DOCK5: variants seen among roughly 807,000 people sequenced by gnomAD.
DOCK5 encodes dedicator of cytokinesis protein 5.
A neutral mutation model predicts 251.8 loss-of-function variants in DOCK5; 142 were observed. The observed-to-expected ratio is 0.56, with a 90% CI of 0.49 to 0.65. DOCK5 has a LOEUF of 0.65. Among genes scored for constraint, DOCK5 ranks in the 30% least tolerant of loss-of-function variants. The probability of loss-of-function intolerance (pLI) is 0.00; values close to 1 mark genes in which losing one functional copy is unlikely to be tolerated. For synonymous variants in DOCK5, 842 were observed against 835.5 expected (o/e 1.01, Z -0.13); for missense variants, 2,111 against 2,312.3 (o/e 0.91, Z 1.79).
At chr8:25,292,593 A>T (rs1804521561) in intron 6 of DOCK5, among the ~76,000 whole-genome samples, 1 of 152,070 alleles carries the variant, frequency 6.6e-6, no homozygotes, top group South Asian at 2.1e-4. Context: ...TACAATAAAT[A>T]TTTGGAAATT....
chr8:25,403,488 G>C (rs1407302423), intron 47 of DOCK5, 70 bp from the exon 48 acceptor site: 1 of 1,546,254 alleles, frequency 6.5e-7, no homozygotes, highest in African/African-American at 1.4e-5. Context: ...CAAGCAAACA[G>C]GGCAGCTGTG....
intron 27 of DOCK5, among the ~76,000 whole-genome samples, chr8:25,355,060 C>T (rs1053764736): frequency 6.6e-6 from 1 of 151,998 alleles, no homozygotes; most frequent in Non-Finnish European, 1.5e-5. Flanking sequence ...ATAGCAAGAC[C>T]CTGTCTCTAC....
At chr8:25,316,151 A>G (rs1031451625) in intron 13 of DOCK5, among the ~76,000 whole-genome samples, 1 of 152,214 alleles carries the variant, frequency 6.6e-6, no homozygotes, top group Admixed American at 6.5e-5. Flanking sequence ...GCATTCTTTC[A>G]TTGATAAAAT....
At chr8:25,334,566 C>T (rs1183052079) in intron 21 of DOCK5, among the ~76,000 whole-genome samples, 2 of 152,002 alleles carry the variant, frequency 1.3e-5, no homozygotes, top group African/African-American at 4.8e-5. Flanking sequence ...AAAAAGTTAG[C>T]CAGGTGTGGT....
At chr8:25,190,845 G>A (rs868404521) in intron 1 of DOCK5, among the ~76,000 whole-genome samples, 4 of 142,124 alleles carry the variant, frequency 2.8e-5, no homozygotes, top group African/African-American at 7.9e-5. Context: ...GTGCAGTGGC[G>A]CGATCTCGGC....
At chr8:25,350,068 G>T (rs1440341630) in intron 26 of DOCK5, among the ~76,000 whole-genome samples, 1 of 152,178 alleles carries the variant, frequency 6.6e-6, no homozygotes, top group Non-Finnish European at 1.5e-5. Context: ...GAAAGTGTCG[G>T]TTATAGGATG....
rs1486159137 is a variant in DOCK5 at position 25,317,072 on chromosome 8, A to G, written c.1384A>G (p.Thr462Ala). ...HGEFDKGKKK[T>A]PKNVEVTMSV... ...TGAGTTTGACAAAGGGAAGAAGAAG[A>G]CGCCAAAGAATGTGGAGGTGACGAT... The change falls in exon 14 of 52, where the codon ACG becomes GCG. Residue 462 changes from threonine (T) to alanine (A), a missense_variant. Coordinates refer to ENST00000276440, the MANE Select transcript of DOCK5 (RefSeq NM_024940.8). 1.2e-6 allele frequency: 2 copies of G among 1,613,996 alleles called. No individual in the cohort carries two copies. The highest frequency in any genetic ancestry group is 2.2e-5 in the East Asian group (1 of 44,878).
chr8:25,333,793 C>T (rs1805736725), intron 20 of DOCK5, among the ~76,000 whole-genome samples: 1 of 152,132 alleles, frequency 6.6e-6, no homozygotes, highest in Non-Finnish European at 1.5e-5. Context: ...TCCTCCTGCC[C>T]GTTAGGTTAC....
chr8:25,365,709 G>A (rs1163678079), intron 30 of DOCK5, among the ~76,000 whole-genome samples: 1 of 152,200 alleles, frequency 6.6e-6, no homozygotes, highest in African/African-American at 2.4e-5. Flanking sequence ...CTGCCACAGA[G>A]TGCAAAGGGG....
intron 1 of DOCK5, 50 bp downstream of exon 1, chr8:25,185,001 G>T: frequency 7.6e-7 from 1 of 1,309,542 alleles, no homozygotes; most frequent in Non-Finnish European, 9.8e-7. Context: ...GGCCAAGTTC[G>T]CGGACAGCGG....
At position 25,321,210 on chromosome 8, in the gene DOCK5, T is replaced by C. The variant is rs147247692; in HGVS notation, c.1615+158T>C. On this transcript the variant is annotated intron_variant, in intron 16 of 51. Coordinates refer to ENST00000276440, the MANE Select transcript of DOCK5 (RefSeq NM_024940.8). ...GTGCTAAGGAAATCAGCATAATGAA[T>C]TTTGCTGGGCGTGCAAGGTCTGTGT... Among the ~76,000 whole-genome samples, 272 of 152,340 alleles carry C rather than the reference T, an allele frequency of 1.8e-3. 1 individual carries two copies. The highest frequency in any genetic ancestry group is 3.2e-3 in the Non-Finnish European group (221 of 68,038).
chr8:25,239,813 T>G (rs562172233), intron 1 of DOCK5, among the ~76,000 whole-genome samples: 2 of 152,190 alleles, frequency 1.3e-5, no homozygotes, highest in Non-Finnish European at 2.9e-5. Flanking sequence ...GCCTAGTCCA[T>G]AAGCTCAATA....
At chr8:25,317,715 A>G (rs757874358) in intron 14 of DOCK5, among the ~76,000 whole-genome samples, 13 of 152,158 alleles carry the variant, frequency 8.5e-5, no homozygotes, top group Non-Finnish European at 1.8e-4. Context: ...GGTGCACCCC[A>G]TTCTCCAGCC....
chr8:25,414,555 C>T lies in DOCK5; in HGVS notation c.*3257C>T, dbSNP rs1391174455. 1 of 152,200 alleles carries T rather than the reference C, an allele frequency of 6.6e-6. No homozygotes were observed. The highest frequency in any genetic ancestry group is 2.4e-5 in the African/African-American group (1 of 41,446). The allele number at this position is 152,200 out of a possible 1,614,324, so 9.4% of individuals were successfully genotyped here. A position where few individuals can be genotyped will look rare whatever the true frequency, so the allele number is the denominator to read the frequency against. On this transcript the variant is annotated 3_prime_UTR_variant, in exon 52 of 52. Transcript: ENST00000276440. ...TCCAAGCTGGAAGAGTCCTTCTCCTCTAGTTGCCCCTAGGTCACTGGCTAA... is the reference window on the plus strand; with the variant it reads ...TCCAAGCTGGAAGAGTCCTTCTCCTTTAGTTGCCCCTAGGTCACTGGCTAA...
At chr8:25,375,028 C>T in intron 37 of DOCK5, 2 of 1,059,894 alleles carry the variant, frequency 1.9e-6, no homozygotes, top group Non-Finnish European at 2.3e-6. Flanking sequence ...TTTATTCTCT[C>T]CCTAAATAAA....
At chr8:25,218,404 A>G (rs893139865) in intron 1 of DOCK5, among the ~76,000 whole-genome samples, 3 of 152,268 alleles carry the variant, frequency 2.0e-5, no homozygotes, top group East Asian at 1.9e-4. Context: ...ACATGCCACC[A>G]TGACCACTGT....
chr8:25,384,724 T>C (rs1801134042), intron 40 of DOCK5, among the ~76,000 whole-genome samples: 1 of 151,902 alleles, frequency 6.6e-6, no homozygotes, highest in Non-Finnish European at 1.5e-5. Flanking sequence ...CCTCCCAAAG[T>C]TTTGGAATTA....
At chr8:25,403,850 G>A in intron 48 of DOCK5, 126 bp downstream of exon 48, 1 of 984,744 alleles carries the variant, frequency 1.0e-6, no homozygotes, top group Non-Finnish European at 1.5e-6. Flanking sequence ...TCCTCATGAG[G>A]AATGTCATGA....
intron 39 of DOCK5, among the ~76,000 whole-genome samples, chr8:25,382,428 T>C (rs1414231950): frequency 1.3e-5 from 2 of 152,178 alleles, no homozygotes; most frequent in African/African-American, 4.8e-5. Context: ...GCAGAAGAAT[T>C]CCAACGTGCA....
Sources: allele counts gnomAD v4.1 joint callset (sites outside exome capture counted in the v4.1 genomes callset), GRCh38; gene constraint gnomAD v4.1.1; transcripts MANE v1.5; gene names NCBI Gene and HGNC (gene_info 2026-07-23, HGNC 2026-07-21).